The following ANO6 variants were observed in gnomAD, a reference collection of about 807,000 sequenced individuals.
The protein encoded by ANO6 is anoctamin-6.
A neutral mutation model predicts 117.5 loss-of-function variants in ANO6; 106 were observed. The observed-to-expected ratio is 0.90, with a 90% CI of 0.77 to 1.06. The LOEUF is 1.06. ANO6 is among the 50% of genes least tolerant of loss of function. The pLI is 0.00. For missense variants in ANO6, 955 were observed against 1,121.1 expected, an observed-to-expected ratio of 0.85 and a Z score of 2.12; for synonymous variants, 367 against 385.1, an observed-to-expected ratio of 0.95 and a Z score of 0.55.
At chr12:45,389,315 TAG>T (rs1288472053) in intron 11 of ANO6, among the ~76,000 whole-genome samples, 2 of 152,236 alleles carry the variant, frequency 1.3e-5, no homozygotes, top group Non-Finnish European at 2.9e-5. Context: ...TGCTGTTTAC[TAG>T]AGAGGACAGG....
chr12:45,356,421 T>C (rs1042269733), intron 7 of ANO6, among the ~76,000 whole-genome samples: 3 of 152,164 alleles, frequency 2.0e-5, no homozygotes, highest in African/African-American at 7.2e-5. Context: ...AACCTGCATA[T>C]ATATTTTGAC....
intron 1 of ANO6, among the ~76,000 whole-genome samples, chr12:45,274,462 T>A (rs916903563): frequency 6.6e-6 from 1 of 152,062 alleles, no homozygotes; most frequent in Non-Finnish European, 1.5e-5. Flanking sequence ...CCTCGTATTC[T>A]CAAATTCAAG....
chr12:45,265,122 A>G (rs1031958991), intron 1 of ANO6, among the ~76,000 whole-genome samples: 1 of 152,210 alleles, frequency 6.6e-6, no homozygotes. Flanking sequence ...TCCTGGATTT[A>G]TAGCTGAGTC....
chr12:45,242,101 G>A (rs1255309875), intron 1 of ANO6, among the ~76,000 whole-genome samples: 5 of 152,184 alleles, frequency 3.3e-5, no homozygotes, highest in East Asian at 1.9e-4. Flanking sequence ...TACTCTCTCC[G>A]GAGTTGTCAG....
At chr12:45,292,478 TAC>T (rs1320833935) in intron 1 of ANO6, among the ~76,000 whole-genome samples, 1 of 152,248 alleles carries the variant, frequency 6.6e-6, no homozygotes, top group African/African-American at 2.4e-5. Context: ...GCTTATATAT[TAC>T]GTTACTGCAA....
Position 45,232,667 on chromosome 12 carries a change from C to T in ANO6, c.70+16276C>T, listed in dbSNP as rs115459910. Among the ~76,000 whole-genome samples the T allele has an allele frequency of 4.3e-3, 661 of 152,282 alleles. 6 individuals are homozygous for T. Among genetic ancestry groups the T allele is most frequent in the African/African-American group, 0.015 (626 of 41,552 alleles). On this transcript the variant is annotated intron_variant, in intron 1 of 19. Transcript: ENST00000320560. ...CAAGTCCAGTCGTACTCAGGGAATT[C>T]ACCATGCAGAGGTTTTGTTTATAAT...
At chr12:45,322,170 A>C (rs1473713398) in intron 2 of ANO6, among the ~76,000 whole-genome samples, 1 of 152,168 alleles carries the variant, frequency 6.6e-6, no homozygotes, top group African/African-American at 2.4e-5. Flanking sequence ...TGGAGCACAC[A>C]TCCATTGGCA....
intron 2 of ANO6, among the ~76,000 whole-genome samples, chr12:45,327,592 C>G (rs1013802897): frequency 6.6e-6 from 1 of 152,082 alleles, no homozygotes; most frequent in Non-Finnish European, 1.5e-5. Flanking sequence ...GTAAAGCTTT[C>G]TATAAAGCTA....
intron 3 of ANO6, among the ~76,000 whole-genome samples, chr12:45,332,364 C>T (rs1940696858): frequency 1.3e-5 from 2 of 151,670 alleles, no homozygotes; most frequent in South Asian, 4.1e-4. Context: ...AGACTGTCTC[C>T]TTGAAATATG....
At position 45,323,692 on chromosome 12, in the gene ANO6, C is replaced by A. The variant is rs551234095; in HGVS notation, c.151-7603C>A. Among the ~76,000 whole-genome samples, 10 of 152,202 alleles carry A rather than the reference C, an allele frequency of 6.6e-5. No homozygotes were observed. The South Asian group carries it at 2.1e-3, about 32-fold the overall frequency. ...GTTTTAAAGAGATACAATATACACACAAAGGCACATGGCTAGTTGTACATG... is the reference window on the plus strand; with the variant it reads ...GTTTTAAAGAGATACAATATACACAAAAAGGCACATGGCTAGTTGTACATG... On this transcript the variant is annotated intron_variant, in intron 2 of 19. Coordinates refer to ENST00000320560, the MANE Select transcript of ANO6 (RefSeq NM_001025356.3).
chr12:45,400,371 C>T (rs551973217), intron 12 of ANO6, among the ~76,000 whole-genome samples: 2 of 152,200 alleles, frequency 1.3e-5, no homozygotes, highest in Admixed American at 6.5e-5. Flanking sequence ...TTTTTCTCAG[C>T]CTTATCTAAT....
chr12:45,253,919 A>G (rs1181449126), intron 1 of ANO6, among the ~76,000 whole-genome samples: 1 of 152,290 alleles, frequency 6.6e-6, no homozygotes, highest in Non-Finnish European at 1.5e-5. Flanking sequence ...CTGTAATCCC[A>G]GCACTTTGGG....
intron 19 of ANO6, among the ~76,000 whole-genome samples, chr12:45,423,721 T>C (rs1943423750): frequency 6.6e-6 from 1 of 152,198 alleles, no homozygotes; most frequent in East Asian, 1.9e-4. Flanking sequence ...TATCCAATTC[T>C]TGGGTTTGCT....
intron 15 of ANO6, among the ~76,000 whole-genome samples, chr12:45,408,541 C>T (rs1203664534): frequency 6.6e-6 from 1 of 152,220 alleles, no homozygotes; most frequent in Non-Finnish European, 1.5e-5. Flanking sequence ...AGCGCTGGGA[C>T]GCAGTCCAGG....
Position 45,237,656 on chromosome 12 carries a change from G to A in ANO6, c.70+21265G>A, listed in dbSNP as rs190085504. On this transcript the variant is annotated intron_variant, in intron 1 of 19. Transcript: ENST00000320560. ...GTAGTATAGTTTGAAGTCAGGTAGC[G>A]TGATGCCTCCAGCTTTGTTCTTTTG... 2.8e-3 allele frequency among the ~76,000 whole-genome samples: 420 copies of A among 152,272 alleles called. 2 individuals carry two copies. Among genetic ancestry groups the A allele is most frequent in the Admixed American group, 5.5e-3 (84 of 15,282 alleles).
chr12:45,281,419 G>A (rs1339466679), intron 1 of ANO6, among the ~76,000 whole-genome samples: 2 of 152,178 alleles, frequency 1.3e-5, no homozygotes, highest in East Asian at 1.9e-4. Context: ...TCACAGTTCT[G>A]CAGGCTATAC....
chr12:45,306,618 G>A (rs1939677715), intron 2 of ANO6, among the ~76,000 whole-genome samples: 1 of 151,918 alleles, frequency 6.6e-6, no homozygotes, highest in South Asian at 2.1e-4. Context: ...TTCAATTTTT[G>A]ATTATCTTCA....
In ANO6 at chr12:45,409,380, G is replaced by A. The variant is rs745565220; in HGVS notation, c.1904G>A (p.Arg635Gln). Residue 635 changes from arginine to glutamine, a missense_variant, in exon 16 of 20, where the codon CGA becomes CAA. Physicochemically the swap from Arg to Gln is conservative, Grantham distance 43. Transcript: ENST00000320560. ...AGCTGGATCATGAATCTAATTGGGC[G>A]ATTTCACAGAGTTTCTGGATCAGAA... is the stretch of plus-strand genomic sequence containing the variant. ...LLPWIMNLIGRFHRVSGSEKI... is the reference protein window; with the variant it reads ...LLPWIMNLIGQFHRVSGSEKI... The A allele has an allele frequency of 9.3e-6, 15 of 1,613,788 alleles. No homozygotes were observed. The South Asian group carries it at 1.1e-4, about 12-fold the overall frequency.
At chr12:45,362,706 C>T (rs959931331) in intron 8 of ANO6, among the ~76,000 whole-genome samples, 40 of 151,864 alleles carry the variant, frequency 2.6e-4, no homozygotes, top group African/African-American at 9.4e-4. Flanking sequence ...TTTTTAGTGG[C>T]TTCCCTGGGG....
Sources: gnomAD v4.1 joint callset for allele counts (sites outside exome capture counted in the v4.1 genomes callset) on GRCh38, gnomAD v4.1.1 for gene constraint, MANE v1.5 for transcripts, NCBI Gene and HGNC (gene_info 2026-07-23, HGNC 2026-07-21) for gene names.